The following PHACTR2 variants were observed in gnomAD, a reference collection of about 807,000 sequenced individuals.
The protein encoded by PHACTR2 is chromosome 6 open reading frame 56.
A neutral mutation model predicts 76.0 loss-of-function variants in PHACTR2; 30 were observed. The observed-to-expected ratio is 0.39, with a 90% CI of 0.30 to 0.54. The LOEUF is 0.54. Ranked by LOEUF, PHACTR2 falls within the 20% of genes least tolerant of loss-of-function variation. PHACTR2 has a pLI of 0.61. For synonymous variants in PHACTR2, 292 were observed against 292.5 expected (o/e 1.00, Z 0.02); for missense variants, 696 against 781.1 (o/e 0.89, Z 1.30).
intron 1 of PHACTR2, among the ~76,000 whole-genome samples, chr6:143,615,005 T>C (rs1776039156): frequency 6.6e-6 from 1 of 152,198 alleles, no homozygotes; most frequent in Non-Finnish European, 1.5e-5. Flanking sequence ...CAAAGGCAAA[T>C]CATATTTAGC....
At chr6:143,642,261 A>G (rs1776578834) in intron 1 of PHACTR2, among the ~76,000 whole-genome samples, 1 of 152,206 alleles carries the variant, frequency 6.6e-6, no homozygotes, top group Admixed American at 6.5e-5. Context: ...TCTGTACCAC[A>G]TTGTTATTAG....
intron 1 of PHACTR2, among the ~76,000 whole-genome samples, chr6:143,594,420 C>T (rs1246849918): frequency 6.6e-6 from 1 of 152,222 alleles, no homozygotes; most frequent in Admixed American, 6.5e-5. Context: ...TGGCTTATGC[C>T]AGCACTCAGT....
rs1232439114 is a variant in PHACTR2, at chr6:143,633,974, T to C, written c.13+25652T>C. ...ACAAGGCAGTATCATAAAATGACTATGATAATTATATTTTATCCTACTTTT... is the reference window on the plus strand; with the variant it reads ...ACAAGGCAGTATCATAAAATGACTACGATAATTATATTTTATCCTACTTTT... On this transcript the variant is annotated intron_variant, in intron 1 of 11. Transcript: ENST00000305766. The surrounding 1 kb of genome is among the most constrained non-coding windows in gnomAD (Gnocchi z 4.1). Among the ~76,000 whole-genome samples, 1 of 152,214 alleles carries C rather than the reference T, an allele frequency of 6.6e-6. No individual in the cohort carries two copies. The highest frequency in any genetic ancestry group is 2.1e-4 in the South Asian group (1 of 4,836).
At chr6:143,786,468 G>C (rs901558788) in intron 10 of PHACTR2, among the ~76,000 whole-genome samples, 1 of 152,126 alleles carries the variant, frequency 6.6e-6, no homozygotes, top group Non-Finnish European at 1.5e-5. Context: ...CTTCCAAACT[G>C]TTCCAACATC....
At chr6:143,815,035 G>A (rs1022268192) in intron 12 of PHACTR2, among the ~76,000 whole-genome samples, 1 of 152,116 alleles carries the variant, frequency 6.6e-6, no homozygotes, top group African/African-American at 2.4e-5. Flanking sequence ...GACATCACAG[G>A]AACTATACTT....
intron 1 of PHACTR2, among the ~76,000 whole-genome samples, chr6:143,636,416 C>T (rs1776456249): frequency 6.6e-6 from 1 of 152,094 alleles, no homozygotes; most frequent in African/African-American, 2.4e-5. Flanking sequence ...TGAAGTATCA[C>T]CTTTGTTACA....
upstream of PHACTR2, among the ~76,000 whole-genome samples, chr6:143,673,498 C>A (rs948400348): frequency 3.3e-5 from 5 of 152,122 alleles, no homozygotes; most frequent in Admixed American, 3.3e-4. Context: ...TTACTGGAAG[C>A]AATTATTTTG....
In PHACTR2 at chr6:143,546,353, G is replaced by T. The variant is rs1282156978; in HGVS notation, c.217+9146G>T. Among the ~76,000 whole-genome samples, 1 of 133,032 alleles carries T rather than the reference G, an allele frequency of 7.5e-6. No individual in the cohort carries two copies. The highest frequency in any genetic ancestry group is 2.7e-5 in the African/African-American group (1 of 37,638). 87.3% of individuals were successfully genotyped at this position (133,032 alleles called of 152,430 possible). A position where few individuals can be genotyped will look rare whatever the true frequency, so the allele number is the denominator to read the frequency against. On this transcript the variant is annotated intron_variant, in intron 1 of 11. Coordinates refer to the PHACTR2 transcript ENST00000367584. The surrounding 1 kb of genome is among the most constrained non-coding windows in gnomAD (Gnocchi z 4.9). ...TCCCTCGTAACAGGAAGAAACTTGTGACTTAAAAAAAAAAAAAAACATGTT... is the reference window on the plus strand; with the variant it reads ...TCCCTCGTAACAGGAAGAAACTTGTTACTTAAAAAAAAAAAAAAACATGTT...
Position 143,650,764 on chromosome 6 carries a change from A to G in PHACTR2, c.13+42442A>G, listed in dbSNP as rs554229774. Among the ~76,000 whole-genome samples, 15 of 152,362 alleles carry G rather than the reference A, an allele frequency of 9.8e-5. No homozygotes were observed. The South Asian group carries it at 2.9e-3, about 29-fold the overall frequency. The stretch of plus-strand genomic sequence containing the variant: ...GTCTAGGCAATACCATTTAGAACAT[A>G]GGCATGGGCAAAGATTTCATGACGA... On this transcript the variant is annotated intron_variant, in intron 1 of 11. Transcript: ENST00000305766.
upstream of PHACTR2, among the ~76,000 whole-genome samples, chr6:143,604,532 T>C (rs976091191): frequency 1.3e-5 from 2 of 152,288 alleles, no homozygotes; most frequent in South Asian, 2.1e-4. Context: ...TTGCCACCTA[T>C]TGCCATCAGT....
chr6:143,695,295 C>T lies in PHACTR2; in HGVS notation c.47-16721C>T, dbSNP rs1168984443. 6.6e-6 allele frequency among the ~76,000 whole-genome samples: 1 copy of T among 152,168 alleles called. No homozygotes were observed. Among genetic ancestry groups the T allele is most frequent in the African/African-American group, 2.4e-5 (1 of 41,434 alleles). ...AAACCTCTACACCCTTTAGTTGTGA[C>T]TCTGTCATTGTAGACTTTTAAGGCA... is the stretch of plus-strand genomic sequence containing the variant. On this transcript the variant is annotated intron_variant, in intron 1 of 12. Transcript: ENST00000440869. This position sits in a 1 kb window ranked among gnomAD's most constrained non-coding sequence, Gnocchi z 4.4.
chr6:143,584,624 C>A (rs1450240567), intron 1 of PHACTR2, among the ~76,000 whole-genome samples: 1 of 152,184 alleles, frequency 6.6e-6, no homozygotes, highest in East Asian at 1.9e-4. Context: ...AACTATTCAA[C>A]AAATGTTGGT....
Position 143,654,211 on chromosome 6 carries a change from G to A in PHACTR2, c.13+45889G>A, listed in dbSNP as rs1776808447. Reference sequence around the variant, plus strand: ...TAATCAGAAAGACAGGTAATAACAAGTGTTTGCAAGGATTTGGAGAAATTG... The same window carrying A: ...TAATCAGAAAGACAGGTAATAACAAATGTTTGCAAGGATTTGGAGAAATTG... On this transcript the variant is annotated intron_variant, in intron 1 of 11. Coordinates refer to the PHACTR2 transcript ENST00000305766. This position sits in a 1 kb window ranked among gnomAD's most constrained non-coding sequence, Gnocchi z 4.6. 1.3e-5 allele frequency among the ~76,000 whole-genome samples: 2 copies of A among 152,140 alleles called. No individual in the cohort carries two copies. Among genetic ancestry groups the A allele is most frequent in the Non-Finnish European group, 2.9e-5 (2 of 68,000 alleles).
At position 143,829,215 on chromosome 6, in the gene PHACTR2, T is replaced by C. The variant is rs911386324; in HGVS notation, c.*5526T>C. The C allele has an allele frequency of 2.0e-5, 3 of 146,936 alleles. No homozygotes were observed. The highest frequency in any genetic ancestry group is 4.5e-5 in the Non-Finnish European group (3 of 66,920). The allele number at this position is 146,936 out of a possible 1,614,324, so 9.1% of individuals were successfully genotyped here. Reference sequence around the variant, plus strand: ...TTTTTTTTTTTTTTTTTTTTTGCCTTACAACTTTTCTTTAGAACCACATTA... The same window carrying C: ...TTTTTTTTTTTTTTTTTTTTTGCCTCACAACTTTTCTTTAGAACCACATTA... On this transcript the variant is annotated 3_prime_UTR_variant, in exon 13 of 13. Transcript: ENST00000440869.
chr6:143,570,760 C>T lies in PHACTR2; in HGVS notation c.217+33553C>T, dbSNP rs887611159. On this transcript the variant is annotated intron_variant, in intron 1 of 11. Coordinates refer to the PHACTR2 transcript ENST00000367584. This position sits in a 1 kb window ranked among gnomAD's most constrained non-coding sequence, Gnocchi z 4.6. ...AGTGGAGAAGTAGCAGGTTCATCGACTCGTTCTGGTAGGGGGCCTCTATCT... is the reference window on the plus strand; with the variant it reads ...AGTGGAGAAGTAGCAGGTTCATCGATTCGTTCTGGTAGGGGGCCTCTATCT... Among the ~76,000 whole-genome samples, 2 of 152,154 alleles carry T rather than the reference C, an allele frequency of 1.3e-5. No homozygotes were observed. Among genetic ancestry groups the T allele is most frequent in the African/African-American group, 4.8e-5 (2 of 41,422 alleles).
Position 143,663,101 on chromosome 6 carries a change from C to T in PHACTR2, c.14-48915C>T, listed in dbSNP as rs540326508. ...TGTATTTGTACCACGTTTTCTCTAGCCAGGCCCCCACTAATGAGCACCTAG... is the reference window on the plus strand; with the variant it reads ...TGTATTTGTACCACGTTTTCTCTAGTCAGGCCCCCACTAATGAGCACCTAG... On this transcript the variant is annotated intron_variant, in intron 1 of 11. Transcript: ENST00000305766. This position sits in a 1 kb window ranked among gnomAD's most constrained non-coding sequence, Gnocchi z 4.1. Among the ~76,000 whole-genome samples, 20 of 152,248 alleles carry T rather than the reference C, an allele frequency of 1.3e-4. 1 individual carries two copies. In the South Asian group the frequency reaches 3.7e-3, roughly 28 times the overall value.
chr6:143,598,104 G>C lies in PHACTR2; in HGVS notation c.217+60897G>C, dbSNP rs1324921758. ...GAATGCCCCCCGCGCCCCCAAAAAA[G>C]AACCATATCTTAACCCCTTAAACCT... On this transcript the variant is annotated intron_variant, in intron 1 of 11. Transcript: ENST00000367584. The surrounding 1 kb of genome is among the most constrained non-coding windows in gnomAD (Gnocchi z 4.1). Among the ~76,000 whole-genome samples, 1 of 149,634 alleles carries C rather than the reference G, an allele frequency of 6.7e-6. No individual in the cohort carries two copies. The highest frequency in any genetic ancestry group is 2.5e-5 in the African/African-American group (1 of 40,580).
chr6:143,811,049 T>G lies in PHACTR2; in HGVS notation c.1922+3916T>G, dbSNP rs1202732678. ...GTATTGTTATGTTTTACTTCATTGT[T>G]TTGTGTCTTATGGACGGAGGCCAAG... On this transcript the variant is annotated intron_variant, in intron 12 of 12. Transcript: ENST00000440869. This position sits in a 1 kb window ranked among gnomAD's most constrained non-coding sequence, Gnocchi z 4.1. Among the ~76,000 whole-genome samples, 1 of 152,248 alleles carries G rather than the reference T, an allele frequency of 6.6e-6. No individual in the cohort carries two copies. Among genetic ancestry groups the G allele is most frequent in the Non-Finnish European group, 1.5e-5 (1 of 68,042 alleles).
At position 143,756,816 on chromosome 6, in the gene PHACTR2, G is replaced by A. The variant is rs1298903991; in HGVS notation, c.454+2904G>A. 6.6e-5 allele frequency among the ~76,000 whole-genome samples: 10 copies of A among 152,310 alleles called. No homozygotes were observed. The East Asian group carries it at 1.9e-3, about 29-fold the overall frequency. On this transcript the variant is annotated intron_variant, in intron 4 of 12. Transcript: ENST00000440869. ...TAATCTCAGCACTTTGAGAGGCCAA[G>A]GCGGGCAGATCAGCTGAGGTCAGGA...
Sources: allele counts gnomAD v4.1 joint callset (sites outside exome capture counted in the v4.1 genomes callset), GRCh38; gene constraint gnomAD v4.1.1; non-coding constraint Gnocchi (gnomAD v3.1); transcripts MANE v1.5; gene names NCBI Gene and HGNC (gene_info 2026-07-23, HGNC 2026-07-21).